The following GNA14 variants were observed in gnomAD, a reference collection of about 807,000 sequenced individuals.
The protein encoded by GNA14 is G protein subunit alpha 14.
A neutral mutation model predicts 42.0 loss-of-function variants in GNA14; 50 were observed. The observed-to-expected ratio is 1.19, with a 90% CI of 0.95 to 1.51. GNA14 has a LOEUF of 1.51. Among genes scored for constraint, GNA14 ranks in the 40% most tolerant of loss-of-function variants. The probability of loss-of-function intolerance (pLI) is 0.00; values close to 1 mark genes in which losing one functional copy is unlikely to be tolerated. For synonymous variants in GNA14, 173 were observed against 163.1 expected (o/e 1.06, Z -0.46); for missense variants, 473 against 446.2 (o/e 1.06, Z -0.54).
At chr9:77,630,798 T>C (rs1175486911) in intron 1 of GNA14, among the ~76,000 whole-genome samples, 1 of 152,180 alleles carries the variant, frequency 6.6e-6, no homozygotes, top group South Asian at 2.1e-4. Flanking sequence ...AGAAAGACCC[T>C]ATCAAATATT....
chr9:77,443,632 C>A (rs535752271), intron 2 of GNA14, among the ~76,000 whole-genome samples: 1 of 152,308 alleles, frequency 6.6e-6, no homozygotes, highest in East Asian at 1.9e-4. Context: ...TTACTGGCCA[C>A]AATAAGTGTT....
chr9:77,497,538 G>A (rs1202772010), intron 2 of GNA14, among the ~76,000 whole-genome samples: 2 of 152,156 alleles, frequency 1.3e-5, no homozygotes, highest in Non-Finnish European at 2.9e-5. Flanking sequence ...GGCACCTTGA[G>A]CTGACCACTA....
chr9:77,526,301 G>A (rs1232820175), intron 2 of GNA14, among the ~76,000 whole-genome samples: 2 of 152,074 alleles, frequency 1.3e-5, no homozygotes, highest in African/African-American at 4.8e-5. Context: ...ATGTCGGGAT[G>A]GAGTAGATGT....
At chr9:77,475,248 G>C (rs1209019343) in intron 2 of GNA14, among the ~76,000 whole-genome samples, 1 of 152,108 alleles carries the variant, frequency 6.6e-6, no homozygotes, top group Non-Finnish European at 1.5e-5. Flanking sequence ...TCTCCAGTGT[G>C]GCTATACAAG....
intron 1 of GNA14, among the ~76,000 whole-genome samples, chr9:77,544,861 C>T (rs1056972779): frequency 6.6e-6 from 1 of 152,120 alleles, no homozygotes; most frequent in African/African-American, 2.4e-5. Flanking sequence ...CAGAAACATT[C>T]ACCAAGAAAT....
chr9:77,491,392 C>T (rs907665294), intron 2 of GNA14, among the ~76,000 whole-genome samples: 14 of 152,082 alleles, frequency 9.2e-5, no homozygotes, highest in Middle Eastern at 3.4e-3. Flanking sequence ...GAAACAAAAC[C>T]CAACTATATG....
chr9:77,468,603 C>G (rs1475335243), intron 2 of GNA14, among the ~76,000 whole-genome samples: 1 of 152,160 alleles, frequency 6.6e-6, no homozygotes, highest in Non-Finnish European at 1.5e-5. Flanking sequence ...TTCCCCTGTG[C>G]TTCTTGAAGT....
At chr9:77,467,650 CTTTT>C (rs3052383) in intron 2 of GNA14, among the ~76,000 whole-genome samples, 148 of 139,658 alleles carry the variant, frequency 1.1e-3, no homozygotes, top group South Asian at 8.1e-3. Context: ...CGGAGCTCTC[CTTTT>C]TTTTTTTTTT....
At chr9:77,602,644 C>A (rs1205290630) in intron 1 of GNA14, among the ~76,000 whole-genome samples, 1 of 152,166 alleles carries the variant, frequency 6.6e-6, no homozygotes, top group African/African-American at 2.4e-5. Flanking sequence ...ACAAAGCAAC[C>A]TTGTTCCTCA....
intron 1 of GNA14, among the ~76,000 whole-genome samples, chr9:77,615,511 T>C (rs922359192): frequency 6.6e-6 from 1 of 152,126 alleles, no homozygotes; most frequent in African/African-American, 2.4e-5. Flanking sequence ...ATTCAGCATG[T>C]ACTTCCTTCT....
chr9:77,547,811 A>T (rs1374335779), intron 1 of GNA14, among the ~76,000 whole-genome samples: 2 of 152,214 alleles, frequency 1.3e-5, no homozygotes, highest in African/African-American at 2.4e-5. Context: ...CAAGTAAATG[A>T]GTATAATATA....
intron 1 of GNA14, among the ~76,000 whole-genome samples, chr9:77,562,671 T>A (rs72732703): frequency 0.02 from 3,119 of 152,332 alleles, 53 homozygotes; most frequent in Middle Eastern, 0.088. Context: ...AACAAAAAAA[T>A]TAATACTTGT....
intron 1 of GNA14, among the ~76,000 whole-genome samples, chr9:77,624,607 C>T (rs549246033): frequency 3.9e-5 from 6 of 152,300 alleles, no homozygotes; most frequent in South Asian, 2.1e-4. Context: ...CTGCCGCCTC[C>T]GCTGGTGATA....
intron 2 of GNA14, among the ~76,000 whole-genome samples, chr9:77,440,558 G>A (rs1249280015): frequency 6.6e-6 from 1 of 152,126 alleles, no homozygotes; most frequent in Non-Finnish European, 1.5e-5. Context: ...TATTTTAATT[G>A]ACAAAATTGT....
chr9:77,635,430 TAC>T (rs1824168342), intron 1 of GNA14: 1 of 152,194 alleles, frequency 6.6e-6, no homozygotes, highest in Non-Finnish European at 1.5e-5. Context: ...CTGATGGCAA[TAC>T]ACAGAGGTTT....
intron 1 of GNA14, among the ~76,000 whole-genome samples, chr9:77,574,263 C>A (rs987378121): frequency 6.6e-6 from 1 of 152,154 alleles, no homozygotes; most frequent in Non-Finnish European, 1.5e-5. Flanking sequence ...TCAAGCTGCA[C>A]CTTGACGGTA....
chr9:77,528,026 T>G (rs1837468517), intron 2 of GNA14, among the ~76,000 whole-genome samples: 1 of 152,196 alleles, frequency 6.6e-6, no homozygotes, highest in Non-Finnish European at 1.5e-5. Flanking sequence ...AAGGAAATGA[T>G]AGTAAAGACA....
intron 1 of GNA14, among the ~76,000 whole-genome samples, chr9:77,615,565 T>C (rs1014370466): frequency 5.3e-5 from 8 of 152,084 alleles, no homozygotes; most frequent in African/African-American, 1.9e-4. Flanking sequence ...CAGAGCAGAA[T>C]GACCAAGCAG....
chr9:77,428,887 A>G lies in GNA14; in HGVS notation c.723+20T>C, dbSNP rs1359784656. 1.2e-6 allele frequency: 2 copies of G among 1,611,110 alleles called. No individual in the cohort carries two copies. The highest frequency in any genetic ancestry group is 1.3e-5 in the African/African-American group (1 of 74,850). On this transcript the variant is annotated intron_variant, in intron 5 of 6. Transcript: ENST00000341700. ...TAGGCTCTGGCTTCCACAGCTACCC[A>G]AACTTCCCGCCCAGCATACCTCGTT... is the stretch of plus-strand genomic sequence containing the variant.
Sources: gnomAD v4.1 joint callset for allele counts (sites outside exome capture counted in the v4.1 genomes callset) on GRCh38, gnomAD v4.1.1 for gene constraint, MANE v1.5 for transcripts, NCBI Gene and HGNC (gene_info 2026-07-23, HGNC 2026-07-21) for gene names.